Variants in EFCAB3 observed in about 807,000 individuals in gnomAD.
EFCAB3 encodes the protein EF-hand calcium-binding domain-containing protein 3.
A neutral mutation model predicts 42.2 loss-of-function variants in EFCAB3; 36 were observed. The ratio of observed to expected loss-of-function variants is 0.85; its 90% CI spans 0.65 to 1.13. EFCAB3 has a LOEUF of 1.13. Among genes scored for constraint, EFCAB3 ranks in the 50% most tolerant of loss-of-function variants. EFCAB3 has a pLI of 0.00. For synonymous variants in EFCAB3, 170 were observed against 172.8 expected, an observed-to-expected ratio of 0.98 and a Z score of 0.13; for missense variants, 418 against 505.1, an observed-to-expected ratio of 0.83 and a Z score of 1.65.
At chr17:62,375,000 G>C (rs527785243) in intron 2 of EFCAB3, among the ~76,000 whole-genome samples, 2 of 152,256 alleles carry the variant, frequency 1.3e-5, no homozygotes, top group South Asian at 4.1e-4. Context: ...TGTAGTTCCA[G>C]CTACTCAGGA....
Position 62,384,331 on chromosome 17 carries a change from A to G in EFCAB3, c.74+1278A>G, listed in dbSNP as rs535706181. Among the ~76,000 whole-genome samples the G allele has an allele frequency of 2.6e-5, 4 of 152,358 alleles. No homozygotes were observed. The East Asian group carries it at 7.7e-4, about 29-fold the overall frequency. On this transcript the variant is annotated intron_variant, in intron 2 of 9. Coordinates refer to ENST00000305286, the MANE Select transcript of EFCAB3 (RefSeq NM_173503.4). ...GCCAAGAGTGTCTTTTTAAAGACAG[A>G]TAATAAGAACTTTACATTGCCTGGC...
intron 8 of EFCAB3, among the ~76,000 whole-genome samples, chr17:62,408,440 C>T (rs1435482737): frequency 6.6e-6 from 1 of 152,190 alleles, no homozygotes; most frequent in Non-Finnish European, 1.5e-5. Flanking sequence ...TGAAACCCTC[C>T]AATGGCTTTT....
intron 6 of EFCAB3, among the ~76,000 whole-genome samples, chr17:62,398,752 T>A (rs1043897495): frequency 5.3e-5 from 8 of 151,376 alleles, no homozygotes; most frequent in Non-Finnish European, 8.8e-5. Flanking sequence ...GAGAGAGAAG[T>A]CAGAAATATG....
At chr17:62,377,533 A>T (rs999706000), upstream of EFCAB3, among the ~76,000 whole-genome samples, 1 of 152,212 alleles carries the variant, frequency 6.6e-6, no homozygotes, top group Non-Finnish European at 1.5e-5. Context: ...GAGATTTTGC[A>T]GTTAGTTAAT....
chr17:62,398,105 C>T, intron 6 of EFCAB3: 1 of 314,328 alleles, frequency 3.2e-6, no homozygotes, highest in Non-Finnish European at 6.3e-6. Flanking sequence ...TCTCTTTTGG[C>T]CCTATACAAA....
intron 2 of EFCAB3, among the ~76,000 whole-genome samples, chr17:62,386,843 T>C (rs928958295): frequency 5.6e-4 from 85 of 152,208 alleles, no homozygotes; most frequent in African/African-American, 2.0e-3. Context: ...GGCTGAAGCA[T>C]AGTGGTGCAA....
At chr17:62,398,025 C>CAAAAA (rs34957895) in intron 6 of EFCAB3, 24 of 93,670 alleles carry the variant, frequency 2.6e-4, no homozygotes, top group South Asian at 9.1e-4. Context: ...GACTCCATCT[C>CAAAAA]AAAAAAAAAA....
chr17:62,395,680 T>A (rs2070342832), intron 6 of EFCAB3, among the ~76,000 whole-genome samples: 3 of 152,206 alleles, frequency 2.0e-5, no homozygotes, highest in African/African-American at 7.2e-5. Context: ...GAATAAAGGA[T>A]GAAGAAACAT....
chr17:62,372,592 T>C (rs1247650580), intron 1 of EFCAB3, among the ~76,000 whole-genome samples: 2 of 152,100 alleles, frequency 1.3e-5, no homozygotes, highest in African/African-American at 4.8e-5. Flanking sequence ...GTTGAAGAGA[T>C]TCTTTACAAC....
At chr17:62,373,272 C>T (rs934829366) in intron 1 of EFCAB3, among the ~76,000 whole-genome samples, 32 of 117,332 alleles carry the variant, frequency 2.7e-4, no homozygotes, top group African/African-American at 9.4e-4. Context: ...AGAGTGAGAC[C>T]CTGCCTCAAA....
At chr17:62,413,640 C>A in intron 8 of EFCAB3, 92 bp from the exon 9 acceptor site, 1 of 1,075,410 alleles carries the variant, frequency 9.3e-7, no homozygotes, top group Non-Finnish European at 1.3e-6. Flanking sequence ...ACAAATCCTT[C>A]TATAATAAAA....
intron 9 of EFCAB3, among the ~76,000 whole-genome samples, chr17:62,414,839 C>G (rs936824218): frequency 6.6e-6 from 1 of 152,082 alleles, no homozygotes; most frequent in Non-Finnish European, 1.5e-5. Context: ...CATGGTGGCT[C>G]ACACCTGTAA....
At chr17:62,372,079 C>T (rs1307340980) in intron 1 of EFCAB3, among the ~76,000 whole-genome samples, 5 of 152,302 alleles carry the variant, frequency 3.3e-5, no homozygotes, top group South Asian at 2.1e-4. Flanking sequence ...AGACATACTT[C>T]GCTTTCTCTA....
At position 62,393,574 on chromosome 17, in the gene EFCAB3, A is replaced by T. The variant is rs777552746; in HGVS notation, c.297A>T (p.Arg99=). ...YNELKCADID[R]DGKVNFSDFI... is the part of the protein sequence containing the mutation. ...CTGAGTCTCAGATTTTTGTTGCAGG[A>T]GATGGGAAGGTGAACTTCTCAGACT... The change falls in exon 5 of 10, where the codon CGA becomes CGT. Residue 99 remains arginine, a splice_region_variant and synonymous_variant. Transcript: ENST00000305286. 2 of 1,613,840 alleles carry T rather than the reference A, an allele frequency of 1.2e-6. No homozygotes were observed. The highest frequency in any genetic ancestry group is 3.3e-5 in the Admixed American group (2 of 60,000).
chr17:62,407,256 T>A, intron 8 of EFCAB3, 44 bp downstream of exon 8: 1 of 1,461,368 alleles, frequency 6.8e-7, no homozygotes, highest in Non-Finnish European at 9.1e-7. Flanking sequence ...CTTGGATTTT[T>A]AAGCACTAAC....
chr17:62,377,042 T>TAGAG (rs111680352), upstream of EFCAB3, among the ~76,000 whole-genome samples: 5 of 149,186 alleles, frequency 3.4e-5, no homozygotes, highest in Admixed American at 6.7e-5. Context: ...AGCCAAGCAA[T>TAGAG]AGAGAGAGAG....
chr17:62,405,001 T>C (rs909340308), intron 6 of EFCAB3, among the ~76,000 whole-genome samples: 2 of 152,010 alleles, frequency 1.3e-5, no homozygotes, highest in Non-Finnish European at 2.9e-5. Context: ...TCAGCTGGAG[T>C]GATTGTTAAA....
intron 3 of EFCAB3, 95 bp from the exon 4 acceptor site, chr17:62,391,727 G>A: frequency 8.0e-7 from 1 of 1,253,472 alleles, no homozygotes; most frequent in Non-Finnish European, 1.1e-6. Flanking sequence ...TTTAGAACAT[G>A]ATCTCCAGTC....
At chr17:62,377,377 T>G (rs958118374), upstream of EFCAB3, among the ~76,000 whole-genome samples, 1 of 152,064 alleles carries the variant, frequency 6.6e-6, no homozygotes, top group Admixed American at 6.6e-5. Context: ...ATAGCCACAC[T>G]TTTTTCCTGA....
Sources: gnomAD v4.1 joint callset for allele counts (sites outside exome capture counted in the v4.1 genomes callset) on GRCh38, gnomAD v4.1.1 for gene constraint, MANE v1.5 for transcripts, NCBI Gene and HGNC (gene_info 2026-07-23, HGNC 2026-07-21) for gene names.